The following TIAM1 variants were observed in gnomAD, a reference collection of about 807,000 sequenced individuals.
TIAM1 encodes TIAM Rac1 associated GEF 1.
A neutral mutation model predicts 163.5 loss-of-function variants in TIAM1; 65 were observed. That is an observed-to-expected ratio of 0.40 (90% CI 0.33 to 0.49). The LOEUF (loss-of-function observed/expected upper bound fraction) is 0.49, where lower values mean the gene tolerates loss of function less well. Among genes scored for constraint, TIAM1 ranks in the 20% least tolerant of loss-of-function variants. The pLI, the probability that TIAM1 is intolerant of heterozygous loss-of-function variation, is 0.77. For missense variants in TIAM1, 1,789 were observed against 2,044.7 expected (o/e 0.87, Z 2.41); for synonymous variants, 833 against 810.1 (o/e 1.03, Z -0.48).
intron 15 of TIAM1, among the ~76,000 whole-genome samples, chr21:31,177,610 C>T (rs926744801): frequency 6.6e-6 from 1 of 152,082 alleles, no homozygotes; most frequent in East Asian, 1.9e-4. Flanking sequence ...CTGTCCCCCC[C>T]ACCAATGACT....
intron 27 of TIAM1, 174 bp downstream of exon 27, chr21:31,124,348 G>T: frequency 1.3e-6 from 1 of 793,950 alleles, no homozygotes; most frequent in Non-Finnish European, 1.8e-6. Flanking sequence ...ATCCCCAGGA[G>T]CCACTGGGAA....
In TIAM1 at chr21:31,395,269, A is replaced by G. The variant is rs534080979; in HGVS notation, c.-368-55847T>C. ...AAAAAAGAGGAGGTGGGGGGAGAAC[A>G]AAACTAGTAATTGGAGCTCTCTGGA... On this transcript the variant is annotated intron_variant, in intron 2 of 28. Transcript: ENST00000286827. The surrounding 1 kb of genome is among the most constrained non-coding windows in gnomAD (Gnocchi z 7.5). 6.6e-6 allele frequency among the ~76,000 whole-genome samples: 1 copy of G among 152,016 alleles called. No individual in the cohort carries two copies. The highest frequency in any genetic ancestry group is 2.4e-5 in the African/African-American group (1 of 41,508).
intron 1 of TIAM1, among the ~76,000 whole-genome samples, chr21:31,341,980 G>A (rs1258977632): frequency 1.3e-5 from 2 of 152,040 alleles, no homozygotes; most frequent in East Asian, 1.9e-4. Flanking sequence ...ATAACGCCAT[G>A]AATGAAAAAG....
At chr21:31,182,995 G>A (rs1463899887) in intron 14 of TIAM1, among the ~76,000 whole-genome samples, 1 of 152,192 alleles carries the variant, frequency 6.6e-6, no homozygotes, top group African/African-American at 2.4e-5. Flanking sequence ...GGGAATGGCA[G>A]TGCTCTCTGA....
chr21:31,203,555 A>G (rs529094369), intron 11 of TIAM1, among the ~76,000 whole-genome samples: 4 of 152,366 alleles, frequency 2.6e-5, no homozygotes, highest in East Asian at 3.8e-4. Flanking sequence ...TTAGGATTCA[A>G]TGGAAACAAC....
At chr21:31,473,429 CAAAAAA>C (rs56691495) in intron 1 of TIAM1, among the ~76,000 whole-genome samples, 824 of 75,328 alleles carry the variant, frequency 0.011, 14 homozygotes, top group Middle Eastern at 0.016. Flanking sequence ...GACTCCATCT[CAAAAAA>C]AAAAAAAAAA....
chr21:31,314,477 G>T (rs753875259), intron 2 of TIAM1, among the ~76,000 whole-genome samples: 9 of 152,094 alleles, frequency 5.9e-5, no homozygotes, highest in Non-Finnish European at 1.2e-4. Flanking sequence ...TCTTTAAATT[G>T]CTCCCACTGC....
chr21:31,329,282 G>A (rs932411392), intron 2 of TIAM1, among the ~76,000 whole-genome samples: 3 of 152,182 alleles, frequency 2.0e-5, no homozygotes, highest in African/African-American at 4.8e-5. Flanking sequence ...AACTGAGCAC[G>A]TGAACGCAGT....
At position 31,195,259 on chromosome 21, in the gene TIAM1, T is replaced by G. The variant is rs112039459; in HGVS notation, c.2540A>C (p.His847Pro). ...EICPKVTQSI[H>P]IEKSDTAADT... ...AGCAGCTGTATCTGACTTCTCAATG[T>G]GGATGCTCTGAGTGACTTTTGGACA... Residue 847 changes from histidine to proline, a missense_variant, in exon 13 of 28, where the codon CAC becomes CCC. His to Pro is a moderately conservative substitution (Grantham distance 77, BLOSUM62 -2). This residue lies in a region of TIAM1 where 456 missense variants were observed against 586.6 expected (regional missense o/e 0.78). Coordinates refer to ENST00000541036, the MANE Select transcript of TIAM1 (RefSeq NM_001353694.2). 5 of 1,613,844 alleles carry G rather than the reference T, an allele frequency of 3.1e-6. No individual in the cohort carries two copies. The highest frequency in any genetic ancestry group is 2.7e-5 in the African/African-American group (2 of 75,066).
chr21:31,472,482 G>C (rs756968105), intron 1 of TIAM1, among the ~76,000 whole-genome samples: 1 of 152,116 alleles, frequency 6.6e-6, no homozygotes. Context: ...AGCCGAGATC[G>C]TGCCACTGCA....
At chr21:31,387,373 C>A (rs1001676504) in intron 2 of TIAM1, among the ~76,000 whole-genome samples, 1 of 151,550 alleles carries the variant, frequency 6.6e-6, no homozygotes, top group South Asian at 2.1e-4. Flanking sequence ...TAGGCACCCA[C>A]TACCACACCC....
intron 8 of TIAM1, 99 bp downstream of exon 8, chr21:31,223,307 C>T: frequency 7.5e-7 from 1 of 1,328,200 alleles, no homozygotes; most frequent in Non-Finnish European, 1.0e-6. Flanking sequence ...CCATACACAG[C>T]AGGAAGCTCG....
At chr21:31,368,330 T>G (rs2076533782) in intron 2 of TIAM1, among the ~76,000 whole-genome samples, 1 of 151,896 alleles carries the variant, frequency 6.6e-6, no homozygotes. Context: ...ATTTTACGCT[T>G]TCTTAATAAC....
At chr21:31,346,581 G>A (rs941840460), upstream of TIAM1, among the ~76,000 whole-genome samples, 2 of 152,276 alleles carry the variant, frequency 1.3e-5, no homozygotes, top group Non-Finnish European at 2.9e-5. Context: ...CGGGGAAGCC[G>A]ACATGGTGTG....
chr21:31,543,208 C>A (rs1263232001), intron 1 of TIAM1, among the ~76,000 whole-genome samples: 2 of 152,162 alleles, frequency 1.3e-5, no homozygotes, highest in Non-Finnish European at 2.9e-5. Flanking sequence ...ACTTTCTTCT[C>A]CAATGGGCCC....
At chr21:31,387,759 G>A (rs893258727) in intron 2 of TIAM1, among the ~76,000 whole-genome samples, 1 of 152,064 alleles carries the variant, frequency 6.6e-6, no homozygotes, top group Admixed American at 6.5e-5. Flanking sequence ...CGTGGTGAGC[G>A]TCACTTGGGG....
chr21:31,345,121 C>G (rs2076123306), upstream of TIAM1, among the ~76,000 whole-genome samples: 3 of 152,048 alleles, frequency 2.0e-5, no homozygotes, highest in African/African-American at 7.2e-5. Context: ...TGAAAGAAAT[C>G]ACAAAAGAAG....
intron 27 of TIAM1, among the ~76,000 whole-genome samples, chr21:31,122,110 G>C (rs147007286): frequency 6.6e-6 from 1 of 152,270 alleles, no homozygotes; most frequent in Non-Finnish European, 1.5e-5. Flanking sequence ...GGGCTGAATT[G>C]GCTCTCATGG....
At chr21:31,338,671 C>G (rs978211552) in intron 2 of TIAM1, among the ~76,000 whole-genome samples, 1 of 152,206 alleles carries the variant, frequency 6.6e-6, no homozygotes, top group Non-Finnish European at 1.5e-5. Context: ...CATATTTCTT[C>G]TCTTGGAGTT....
Sources: gnomAD v4.1 joint callset for allele counts (sites outside exome capture counted in the v4.1 genomes callset) on GRCh38, gnomAD v4.1.1 for gene constraint, gnomAD v4.1.1 regional missense constraint, Gnocchi (gnomAD v3.1) non-coding constraint, MANE v1.5 for transcripts, NCBI Gene and HGNC (gene_info 2026-07-23, HGNC 2026-07-21) for gene names.